COL4A4: variants seen among roughly 807,000 people sequenced by gnomAD.
The protein encoded by COL4A4 is collagen type IV alpha 4 chain.
In COL4A4, 105 loss-of-function variants were observed where a neutral mutation model predicts 192.9. That is an observed-to-expected ratio of 0.54 (90% CI 0.46 to 0.64). The LOEUF is 0.64. COL4A4 is among the 30% of genes least tolerant of loss of function. COL4A4 has a pLI of 0.00. For synonymous variants in COL4A4, 762 were observed against 769.9 expected (o/e 0.99, Z 0.17); for missense variants, 1,967 against 2,169.3 (o/e 0.91, Z 1.85).
chr2:227,057,584 A>C lies in COL4A4; in HGVS notation c.2400T>G (p.Pro800=), dbSNP rs1294981972. The C allele has an allele frequency of 5.6e-6, 9 of 1,614,168 alleles. No individual in the cohort carries two copies. In the East Asian group the frequency reaches 2.0e-4, roughly 36 times the overall value. The change falls in exon 29 of 48, where the codon CCT becomes CCG. Residue 800 remains proline, a synonymous_variant. Transcript: ENST00000396625. ...CPGAEGPAGI[P]GFLGLKGPKG... is the part of the protein sequence containing the mutation. Reference sequence around the variant, plus strand: ...TGGGACCTTTGAGACCTAGGAATCCAGGAATGCCAGCTGGCCCTGAAATGA... The same window carrying C: ...TGGGACCTTTGAGACCTAGGAATCCCGGAATGCCAGCTGGCCCTGAAATGA...
At chr2:227,103,703 A>G (rs899273767) in intron 13 of COL4A4, among the ~76,000 whole-genome samples, 1 of 152,186 alleles carries the variant, frequency 6.6e-6, no homozygotes, top group African/African-American at 2.4e-5. Flanking sequence ...CACACGTCAA[A>G]ACAACATTAA....
At position 227,144,501 on chromosome 2, in the gene COL4A4, A is replaced by G. The variant is rs1218496290; in HGVS notation, c.114+15T>C. The G allele has an allele frequency of 6.2e-7, 1 of 1,603,868 alleles. No homozygotes were observed. The highest frequency in any genetic ancestry group is 2.2e-5 in the East Asian group (1 of 44,776). On this transcript the variant is annotated intron_variant, in intron 3 of 47. Transcript: ENST00000396625. The stretch of plus-strand genomic sequence containing the variant: ...GAATTTTCACAACGCAACCAGAGCT[A>G]GTGAATGTACTTACCCCATATACAT...
intron 22 of COL4A4, 28 bp from the exon 23 acceptor site, chr2:227,082,215 A>C: frequency 6.3e-7 from 1 of 1,579,114 alleles, no homozygotes; most frequent in Non-Finnish European, 8.7e-7. Context: ...GAAACAAATT[A>C]GGTTAATTGT....
intron 47 of COL4A4, among the ~76,000 whole-genome samples, 156 bp from the exon 48 acceptor site, chr2:227,007,744 G>T (rs1347006126): frequency 1.3e-5 from 2 of 152,224 alleles, no homozygotes; most frequent in African/African-American, 4.8e-5. Flanking sequence ...GTCGTACTCA[G>T]CATGGTAAGT....
At position 227,005,800 on chromosome 2, in the gene COL4A4, T is replaced by C. The variant is rs953702906; in HGVS notation, c.*1525A>G. 6.6e-6 allele frequency: 1 copy of C among 152,216 alleles called. No individual in the cohort carries two copies. Among genetic ancestry groups the C allele is most frequent in the Non-Finnish European group, 1.5e-5 (1 of 68,038 alleles). The allele number at this position is 152,216 out of a possible 1,614,324, so 9.4% of individuals were successfully genotyped here. A position where few individuals can be genotyped will look rare whatever the true frequency, so the allele number is the denominator to read the frequency against. ...AATGAGTGTCACGCTCATGAGAAAT[T>C]TCTTTAGTTTTCTCTAAAATGCCTT... On this transcript the variant is annotated 3_prime_UTR_variant, in exon 48 of 48. Coordinates refer to ENST00000396625, the MANE Select transcript of COL4A4 (RefSeq NM_000092.5).
At chr2:227,139,118 A>G (rs1441647941) in intron 4 of COL4A4, among the ~76,000 whole-genome samples, 1 of 152,190 alleles carries the variant, frequency 6.6e-6, no homozygotes, top group African/African-American at 2.4e-5. Context: ...CTTTCTCTCC[A>G]CCATATGAGG....
At chr2:227,162,117 A>T (rs1169635193) in intron 1 of COL4A4, among the ~76,000 whole-genome samples, 1 of 152,156 alleles carries the variant, frequency 6.6e-6, no homozygotes, top group Non-Finnish European at 1.5e-5. Flanking sequence ...TATGGAAAGG[A>T]TTCAAAACTC....
chr2:227,104,241 T>C, intron 12 of COL4A4, 189 bp from the exon 13 acceptor site: 1 of 615,544 alleles, frequency 1.6e-6, no homozygotes. Flanking sequence ...CACTTATTGT[T>C]AAAAATAAAT....
rs1308622536 is a variant in COL4A4 at position 227,005,813 on chromosome 2, T to C, written c.*1512A>G. 3.3e-5 allele frequency: 5 copies of C among 152,242 alleles called. No individual in the cohort carries two copies. The highest frequency in any genetic ancestry group is 1.2e-4 in the African/African-American group (5 of 41,476). The allele number at this position is 152,242 out of a possible 1,614,324, so 9.4% of individuals were successfully genotyped here. A position where few individuals can be genotyped will look rare whatever the true frequency, so the allele number is the denominator to read the frequency against. The stretch of plus-strand genomic sequence containing the variant: ...CTCATGAGAAATTTCTTTAGTTTTC[T>C]CTAAAATGCCTTTTTCTTTTAGATG... On this transcript the variant is annotated 3_prime_UTR_variant, in exon 48 of 48. Transcript: ENST00000396625.
In COL4A4 at chr2:227,057,478, G is replaced by C; in HGVS notation, c.2506C>G (p.Pro836Ala). ...TACCCAGGGAGTCCCGGTTGCCCTG[G>C]TATCCCTGGAGCACCTCTTTCACAG... ...HSCERGAPGI[P>A]GQPGLPGYPG... Residue 836 changes from proline (P) to alanine (A), a missense_variant, in exon 29 of 48, where the codon CCA becomes GCA. Physicochemically the swap from Pro to Ala is conservative, Grantham distance 27. Transcript: ENST00000396625. 1 of 1,611,922 alleles carries C rather than the reference G, an allele frequency of 6.2e-7. No individual in the cohort carries two copies. Among genetic ancestry groups the C allele is most frequent in the Non-Finnish European group, 8.5e-7 (1 of 1,179,144 alleles).
chr2:227,123,474 A>C lies in COL4A4; in HGVS notation c.193-2326T>G, dbSNP rs1200191891. On this transcript the variant is annotated intron_variant, in intron 4 of 47. Coordinates refer to ENST00000396625, the MANE Select transcript of COL4A4 (RefSeq NM_000092.5). This position sits in a 1 kb window ranked among gnomAD's most constrained non-coding sequence, Gnocchi z 4.6. Reference sequence around the variant, plus strand: ...TGAAGGAGGTGCAGGTCAGGAACAGAGCGCGACCCACGGAAGTGAAGGCAG... The same window carrying C: ...TGAAGGAGGTGCAGGTCAGGAACAGCGCGCGACCCACGGAAGTGAAGGCAG... Among the ~76,000 whole-genome samples the C allele has an allele frequency of 6.6e-6, 1 of 152,172 alleles. No homozygotes were observed. Among genetic ancestry groups the C allele is most frequent in the Non-Finnish European group, 1.5e-5 (1 of 68,046 alleles).
At chr2:226,988,882 TA>T in the COL4A4 span, 20 of 189,500 alleles carry the variant, frequency 1.1e-4, no homozygotes, top group East Asian at 1.3e-3. Context: ...AAGGAGATCC[TA>T]ATTCTAGATG....
intron 43 of COL4A4, among the ~76,000 whole-genome samples, chr2:227,023,914 G>A (rs1468619427): frequency 6.6e-6 from 1 of 151,826 alleles, no homozygotes; most frequent in African/African-American, 2.4e-5. Context: ...GCTGAGGGAG[G>A]AGAATCGCTT....
chr2:227,050,090 A>G lies in COL4A4; in HGVS notation c.3192T>C (p.Ile1064=). Reference sequence around the variant, plus strand: ...TACCTTTAGGTCCTCTTGCTCCATCAATTCCTGAAAATCCAGGGGGACCTG... The same window carrying G: ...TACCTTTAGGTCCTCTTGCTCCATCGATTCCTGAAAATCCAGGGGGACCTG... ...GSPGPPGFSG[I]DGARGPKGNK... Residue 1064 remains isoleucine (I), a synonymous_variant, in exon 34 of 48, where the codon ATT becomes ATC. Transcript: ENST00000396625. 1 of 1,614,166 alleles carries G rather than the reference A, an allele frequency of 6.2e-7. No homozygotes were observed. Among genetic ancestry groups the G allele is most frequent in the Non-Finnish European group, 8.5e-7 (1 of 1,180,004 alleles).
intron 7 of COL4A4, among the ~76,000 whole-genome samples, chr2:227,115,780 G>A (rs528560995): frequency 6.6e-6 from 1 of 152,310 alleles, no homozygotes; most frequent in East Asian, 1.9e-4. Context: ...GGTAGTATCT[G>A]CAGTTTTGGC....
chr2:227,002,068 G>T (rs1048185251), downstream of COL4A4, among the ~76,000 whole-genome samples: 9 of 151,594 alleles, frequency 5.9e-5, no homozygotes, highest in African/African-American at 2.2e-4. Context: ...TACTGGGGAG[G>T]GTGAGGCAGG....
the COL4A4 span, among the ~76,000 whole-genome samples, chr2:226,973,632 T>C: frequency 2.6e-5 from 4 of 152,236 alleles, no homozygotes; most frequent in Non-Finnish European, 5.9e-5. Context: ...TGAATTGTTT[T>C]CTTCCAGAGA....
Position 227,006,542 on chromosome 2 carries a change from T to C in COL4A4, c.*783A>G, listed in dbSNP as rs1278971182. The stretch of plus-strand genomic sequence containing the variant: ...AATAGCTTTTAGGCTCCTAATCTCT[T>C]ATTGAATATTTTTTTTCCATAATTG... On this transcript the variant is annotated 3_prime_UTR_variant, in exon 48 of 48. Transcript: ENST00000396625. 8.2e-6 allele frequency: 1 copy of C among 121,462 alleles called. No individual in the cohort carries two copies. The highest frequency in any genetic ancestry group is 1.7e-5 in the Non-Finnish European group (1 of 59,210). The allele number at this position is 121,462 out of a possible 1,614,324, so 7.5% of individuals were successfully genotyped here.
intron 37 of COL4A4, among the ~76,000 whole-genome samples, chr2:227,037,885 C>T (rs889986436): frequency 6.6e-6 from 1 of 152,162 alleles, no homozygotes; most frequent in Non-Finnish European, 1.5e-5. Context: ...GCATAAATGT[C>T]TTTTTGAGAA....
Sources: allele counts gnomAD v4.1 joint callset (sites outside exome capture counted in the v4.1 genomes callset), GRCh38; gene constraint gnomAD v4.1.1; non-coding constraint Gnocchi (gnomAD v3.1); transcripts MANE v1.5; gene names NCBI Gene and HGNC (gene_info 2026-07-23, HGNC 2026-07-21).